Variants in CDH18 observed in about 807,000 individuals in gnomAD.
The protein encoded by CDH18 is cadherin-18.
Under a neutral mutation model 67.9 loss-of-function variants are expected in CDH18, and 31 were observed. That is an observed-to-expected ratio of 0.46 (90% CI 0.34 to 0.62). The LOEUF (loss-of-function observed/expected upper bound fraction) is 0.62. Ranked by LOEUF, CDH18 falls within the 20% of genes least tolerant of loss-of-function variation. CDH18 has a pLI of 0.01. For missense variants in CDH18, 890 were observed against 975.5 expected (o/e 0.91, Z 1.17); for synonymous variants, 362 against 347.2 (o/e 1.04, Z -0.48).
Position 19,486,523 on chromosome 5 carries a change from G to A in CDH18, c.1631-2971C>T, listed in dbSNP as rs569413305. ...AAAATAAATGAGGGCCAGGCGCAGT[G>A]GATCACACCTGTAATCCCAACGCTT... On this transcript the variant is annotated intron_variant, in intron 11 of 12. Coordinates refer to ENST00000382275, the MANE Select transcript of CDH18 (RefSeq NM_004934.5). 2.0e-3 allele frequency among the ~76,000 whole-genome samples: 310 copies of A among 152,222 alleles called. 2 individuals carry two copies. Among genetic ancestry groups the A allele is most frequent in the African/African-American group, 7.2e-3 (300 of 41,542 alleles).
intron 2 of CDH18, among the ~76,000 whole-genome samples, chr5:20,194,544 GT>G (rs1477205016): frequency 1.6e-4 from 25 of 152,154 alleles, no homozygotes; most frequent in Non-Finnish European, 2.9e-5. Flanking sequence ...AGTCATGAAT[GT>G]TCGTGGGTTG....
chr5:20,160,820 C>A (rs576182654), intron 2 of CDH18, among the ~76,000 whole-genome samples: 122 of 152,264 alleles, frequency 8.0e-4, no homozygotes, highest in African/African-American at 2.9e-3. Flanking sequence ...TAACAGAGGT[C>A]AAAAACTGCA....
intron 7 of CDH18, among the ~76,000 whole-genome samples, chr5:19,589,450 A>C (rs1744733896): frequency 6.6e-6 from 1 of 152,114 alleles, no homozygotes; most frequent in African/African-American, 2.4e-5. Flanking sequence ...TTTTGAGTAA[A>C]GAAGTCACCC....
chr5:19,958,746 C>T (rs2150292988), intron 2 of CDH18, among the ~76,000 whole-genome samples: 1 of 152,084 alleles, frequency 6.6e-6, no homozygotes, highest in Non-Finnish European at 1.5e-5. Context: ...GTTTGTGTAA[C>T]TTTGGAAAGT....
chr5:19,632,326 C>A (rs866207270), intron 5 of CDH18, among the ~76,000 whole-genome samples: 1 of 152,106 alleles, frequency 6.6e-6, no homozygotes, highest in Non-Finnish European at 1.5e-5. Flanking sequence ...TTCACCCTAG[C>A]GTTAGCAATA....
intron 2 of CDH18, among the ~76,000 whole-genome samples, chr5:20,241,933 A>G (rs1742962471): frequency 6.8e-6 from 1 of 146,148 alleles, no homozygotes; most frequent in Non-Finnish European, 1.5e-5. Context: ...GCACTGTGCA[A>G]ACTCTCAATA....
chr5:20,114,300 A>G (rs775271485), intron 2 of CDH18, among the ~76,000 whole-genome samples: 7 of 152,336 alleles, frequency 4.6e-5, no homozygotes, highest in Non-Finnish European at 8.8e-5. Context: ...TAGAGTTTAT[A>G]TAAATCTATC....
At chr5:20,480,797 C>G (rs571613890) in intron 1 of CDH18, among the ~76,000 whole-genome samples, 2 of 152,146 alleles carry the variant, frequency 1.3e-5, no homozygotes, top group African/African-American at 4.8e-5. Context: ...AAATGGGTTA[C>G]AATATGTTAT....
chr5:19,846,444 C>T (rs1409203284), intron 2 of CDH18, among the ~76,000 whole-genome samples: 2 of 152,034 alleles, frequency 1.3e-5, no homozygotes, highest in East Asian at 3.9e-4. Flanking sequence ...TACATCATTC[C>T]AGCATTCTGT....
chr5:20,191,547 G>A (rs1265666057), intron 2 of CDH18, among the ~76,000 whole-genome samples: 3 of 151,660 alleles, frequency 2.0e-5, no homozygotes, highest in Non-Finnish European at 4.4e-5. Flanking sequence ...GGTGTGTGTT[G>A]TTCTCCTCTC....
At position 19,483,190 on chromosome 5, in the gene CDH18, G is replaced by A. The variant is rs754238185; in HGVS notation, c.1882+111C>T. 9 of 961,432 alleles carry A rather than the reference G, an allele frequency of 9.4e-6. No individual in the cohort carries two copies. In the Admixed American group the frequency reaches 1.2e-4, roughly 13 times the overall value. 59.6% of individuals were successfully genotyped at this position (961,432 alleles called of 1,614,324 possible). On this transcript the variant is annotated intron_variant, in intron 12 of 12. Coordinates refer to ENST00000382275, the MANE Select transcript of CDH18 (RefSeq NM_004934.5). ...GAAAATTAATTCATAGGAAATTGGAGCAGCTGTTTCCTTACCCACATTATG... is the reference window on the plus strand; with the variant it reads ...GAAAATTAATTCATAGGAAATTGGAACAGCTGTTTCCTTACCCACATTATG...
chr5:20,124,654 T>A (rs2126439346), intron 2 of CDH18, among the ~76,000 whole-genome samples: 1 of 152,250 alleles, frequency 6.6e-6, no homozygotes, highest in Non-Finnish European at 1.5e-5. Context: ...AAATTGAAAT[T>A]CTGGTTGTGT....
At chr5:20,289,357 C>T (rs907691209) in intron 1 of CDH18, among the ~76,000 whole-genome samples, 4 of 152,024 alleles carry the variant, frequency 2.6e-5, no homozygotes, top group Non-Finnish European at 5.9e-5. Flanking sequence ...AGAGCTAAAA[C>T]CTGACCTAGA....
At chr5:20,053,939 C>G (rs1741676377) in intron 2 of CDH18, among the ~76,000 whole-genome samples, 1 of 152,022 alleles carries the variant, frequency 6.6e-6, no homozygotes, top group Admixed American at 6.6e-5. Flanking sequence ...CTGTGGAACC[C>G]TTTGCTAAGA....
At chr5:20,568,607 A>G (rs1758644137) in intron 1 of CDH18, among the ~76,000 whole-genome samples, 1 of 142,364 alleles carries the variant, frequency 7.0e-6, no homozygotes, top group South Asian at 2.1e-4. Flanking sequence ...GCATTTCAGA[A>G]TATAAATTAA....
At chr5:19,707,062 C>T (rs2150508642) in intron 5 of CDH18, among the ~76,000 whole-genome samples, 1 of 152,220 alleles carries the variant, frequency 6.6e-6, no homozygotes, top group Non-Finnish European at 1.5e-5. Context: ...AGAGACTATG[C>T]TTGTGTTTCT....
At chr5:20,383,610 C>A (rs1266311491) in intron 1 of CDH18, among the ~76,000 whole-genome samples, 2 of 152,098 alleles carry the variant, frequency 1.3e-5, no homozygotes, top group African/African-American at 4.8e-5. Context: ...CATAAAATGC[C>A]TTGCTTAATT....
intron 11 of CDH18, among the ~76,000 whole-genome samples, chr5:19,485,350 A>C (rs1377060028): frequency 6.6e-6 from 1 of 150,940 alleles, no homozygotes; most frequent in African/African-American, 2.4e-5. Flanking sequence ...CAGCCTCCCG[A>C]GTTCATGCCA....
chr5:20,031,904 T>C (rs1739431538), intron 2 of CDH18, among the ~76,000 whole-genome samples: 1 of 151,952 alleles, frequency 6.6e-6, no homozygotes, highest in Non-Finnish European at 1.5e-5. Context: ...TCAAGGCTCA[T>C]CCAGTGCAAA....
Sources: allele counts gnomAD v4.1 joint callset (sites outside exome capture counted in the v4.1 genomes callset), GRCh38; gene constraint gnomAD v4.1.1; transcripts MANE v1.5; gene names NCBI Gene and HGNC (gene_info 2026-07-23, HGNC 2026-07-21).